Variants in PRKN observed in about 807,000 individuals in gnomAD.
PRKN encodes parkin RBR E3 ubiquitin protein ligase, also known as E3 ubiquitin-protein ligase parkin.
PRKN carries 56 observed loss-of-function variants against 59.5 expected under a neutral mutation model. That is an observed-to-expected ratio of 0.94 (90% CI 0.76 to 1.18). The LOEUF (loss-of-function observed/expected upper bound fraction) is 1.18. PRKN is among the 50% of genes most tolerant of loss of function. The pLI is 0.00. For missense variants in PRKN, 657 were observed against 596.4 expected, an observed-to-expected ratio of 1.10 and a Z score of -1.06; for synonymous variants, 250 against 222.1, an observed-to-expected ratio of 1.13 and a Z score of -1.12.
intron 1 of PRKN, among the ~76,000 whole-genome samples, chr6:162,454,969 C>T (rs761636081): frequency 3.9e-5 from 6 of 152,114 alleles, no homozygotes; most frequent in South Asian, 2.1e-4. Flanking sequence ...TTAGCCATTT[C>T]GGACTGTGTT....
intron 2 of PRKN, among the ~76,000 whole-genome samples, chr6:162,401,515 TA>T (rs1787793498): frequency 6.6e-6 from 1 of 152,152 alleles, no homozygotes; most frequent in Non-Finnish European, 1.5e-5. Flanking sequence ...ATTTTTATAA[TA>T]AAGTGTTAAA....
chr6:162,658,757 T>G (rs1778765187), intron 1 of PRKN, among the ~76,000 whole-genome samples: 1 of 150,792 alleles, frequency 6.6e-6, no homozygotes, highest in Non-Finnish European at 1.5e-5. Context: ...TTAAATCATC[T>G]ACACATCCCA....
chr6:162,243,555 G>C (rs531670845), intron 3 of PRKN, among the ~76,000 whole-genome samples: 32 of 152,200 alleles, frequency 2.1e-4, no homozygotes, highest in South Asian at 6.2e-4. Context: ...CATTTAATAC[G>C]AGTTTAATAG....
chr6:162,419,291 G>C lies in PRKN; in HGVS notation c.171+24019C>G, dbSNP rs550963343. On this transcript the variant is annotated intron_variant, in intron 2 of 11. Coordinates refer to ENST00000366898, the MANE Select transcript of PRKN (RefSeq NM_004562.3). ...AAAAATTGCTCTTCCTCAACAAAAG[G>C]CTGGTGAGAGATGAAAATAGTTTTG... is the stretch of plus-strand genomic sequence containing the variant. Among the ~76,000 whole-genome samples the C allele has an allele frequency of 2.6e-4, 40 of 152,168 alleles. No individual in the cohort carries two copies. In the South Asian group the frequency reaches 7.9e-3, roughly 30 times the overall value.
At chr6:161,443,912 C>A (rs1382132094) in intron 9 of PRKN, among the ~76,000 whole-genome samples, 2 of 152,214 alleles carry the variant, frequency 1.3e-5, no homozygotes, top group African/African-American at 4.8e-5. Flanking sequence ...TGCCTAATTG[C>A]AGTCATTAAG....
In PRKN at chr6:161,562,099, C is replaced by T. The variant is rs1318563025; in HGVS notation, c.933+7256G>A. ...AGCATTCCTCCTCTGGAAGCCCCAC[C>T]TTCTCAGCTTCCCAAACACCATAAA... On this transcript the variant is annotated intron_variant, in intron 8 of 11. Transcript: ENST00000366898. This position sits in a 1 kb window ranked among gnomAD's most constrained non-coding sequence, Gnocchi z 4.3. Among the ~76,000 whole-genome samples, 5 of 151,066 alleles carry T rather than the reference C, an allele frequency of 3.3e-5. No homozygotes were observed. Among genetic ancestry groups the T allele is most frequent in the Non-Finnish European group, 7.4e-5 (5 of 67,828 alleles).
chr6:162,054,021 T>C, intron 5 of PRKN, 70 bp downstream of exon 5: 1 of 1,019,074 alleles, frequency 9.8e-7, no homozygotes, highest in Non-Finnish European at 1.6e-6. Context: ...TTGTCTCTAA[T>C]TTCCTGGCAA....
chr6:162,498,590 T>C (rs1793209228), intron 1 of PRKN, among the ~76,000 whole-genome samples: 1 of 151,046 alleles, frequency 6.6e-6, no homozygotes, highest in Non-Finnish European at 1.5e-5. Context: ...GGATTACAGG[T>C]GTGCACCACC....
chr6:162,164,369 C>T (rs111303116), intron 4 of PRKN, among the ~76,000 whole-genome samples: 2,084 of 148,208 alleles, frequency 0.014, 224 homozygotes, highest in African/African-American at 0.042. Flanking sequence ...CTACCATGCC[C>T]GGCTAATTTT....
chr6:162,140,359 T>G (rs1489653660), intron 4 of PRKN, among the ~76,000 whole-genome samples: 2 of 152,236 alleles, frequency 1.3e-5, no homozygotes, highest in African/African-American at 4.8e-5. Flanking sequence ...ATGCCTGCCA[T>G]GTTCAACTTC....
intron 9 of PRKN, among the ~76,000 whole-genome samples, chr6:161,496,907 G>A (rs573922333): frequency 3.3e-5 from 5 of 152,312 alleles, no homozygotes; most frequent in African/African-American, 1.2e-4. Flanking sequence ...CTTCCCCATG[G>A]GTTTCAGAGG....
rs199812164 is a variant in PRKN, at chr6:161,887,231, G to GA, written c.734+86070dup. ...TGATGGAGTAACTATCTTGATTTGA[G>GA]AAAAAGACTCAAGCTGAATGGTTAC... On this transcript the variant is annotated intron_variant, in intron 6 of 11. Transcript: ENST00000366898. Among the ~76,000 whole-genome samples the GA allele has an allele frequency of 3.8e-3, 575 of 152,238 alleles. 6 individuals carry two copies. Among genetic ancestry groups the GA allele is most frequent in the African/African-American group, 0.013 (549 of 41,556 alleles).
At chr6:162,683,830 T>TG (rs1779866275) in intron 1 of PRKN, among the ~76,000 whole-genome samples, 3 of 152,046 alleles carry the variant, frequency 2.0e-5, no homozygotes, top group Non-Finnish European at 4.4e-5. Flanking sequence ...TAAAAATTTC[T>TG]GGGAAAAAAA....
At chr6:162,200,023 T>G (rs1166281078) in intron 4 of PRKN, among the ~76,000 whole-genome samples, 1 of 152,166 alleles carries the variant, frequency 6.6e-6, no homozygotes, top group African/African-American at 2.4e-5. Flanking sequence ...CTGTCCTCAA[T>G]AGCGTTTGAC....
Position 161,852,955 on chromosome 6 carries a change from G to C in PRKN, c.735-67047C>G, listed in dbSNP as rs56794944. Among the ~76,000 whole-genome samples, 532 of 152,258 alleles carry C rather than the reference G, an allele frequency of 3.5e-3. 4 individuals carry two copies. Among genetic ancestry groups the C allele is most frequent in the African/African-American group, 0.012 (498 of 41,558 alleles). On this transcript the variant is annotated intron_variant, in intron 6 of 11. Coordinates refer to ENST00000366898, the MANE Select transcript of PRKN (RefSeq NM_004562.3). ...GAGCTACAAAGTGCCTCAGGAAAGA[G>C]ACAGCTGGGACCAGATGACACACAC... is the stretch of plus-strand genomic sequence containing the variant.
intron 2 of PRKN, among the ~76,000 whole-genome samples, chr6:162,389,204 T>C (rs1207980967): frequency 6.6e-6 from 1 of 151,956 alleles, no homozygotes; most frequent in Non-Finnish European, 1.5e-5. Flanking sequence ...AGGGCTGGGA[T>C]GGGCCACACA....
In PRKN at chr6:161,395,360, T is replaced by C. The variant is rs1786708367; in HGVS notation, c.1084-8483A>G. ...TTCCAGTGGATAGATGTGCCTTCGT[T>C]CATTTCACCAGCCCCTCCGATCAGC... is the stretch of plus-strand genomic sequence containing the variant. On this transcript the variant is annotated intron_variant, in intron 9 of 11. Transcript: ENST00000366898. The surrounding 1 kb of genome is among the most constrained non-coding windows in gnomAD (Gnocchi z 5.0). Among the ~76,000 whole-genome samples the C allele has an allele frequency of 6.6e-6, 1 of 152,184 alleles. No homozygotes were observed. The highest frequency in any genetic ancestry group is 2.4e-5 in the African/African-American group (1 of 41,446).
chr6:161,590,545 C>G (rs1458642821), intron 7 of PRKN, among the ~76,000 whole-genome samples: 1 of 152,098 alleles, frequency 6.6e-6, no homozygotes, highest in Non-Finnish European at 1.5e-5. Flanking sequence ...CCAGTCTGGC[C>G]AACATAGTGA....
At chr6:162,183,385 CCAT>C (rs1467984527) in intron 4 of PRKN, among the ~76,000 whole-genome samples, 1 of 152,144 alleles carries the variant, frequency 6.6e-6, no homozygotes, top group Non-Finnish European at 1.5e-5. Context: ...TGTTTCCCTG[CCAT>C]CATCATCTTC....
Sources: allele counts gnomAD v4.1 joint callset (sites outside exome capture counted in the v4.1 genomes callset), GRCh38; gene constraint gnomAD v4.1.1; non-coding constraint Gnocchi (gnomAD v3.1); transcripts MANE v1.5; gene names NCBI Gene and HGNC (gene_info 2026-07-23, HGNC 2026-07-21).